GIGYF2: variants seen among roughly 807,000 people sequenced by gnomAD.
GIGYF2 encodes GRB10 interacting GYF protein 2.
A neutral mutation model predicts 208.1 loss-of-function variants in GIGYF2; 25 were observed. The ratio of observed to expected loss-of-function variants is 0.12; its 90% CI spans 0.09 to 0.17. The LOEUF (loss-of-function observed/expected upper bound fraction) is 0.17, where lower values mean the gene tolerates loss of function less well. Among genes scored for constraint, GIGYF2 ranks in the 10% least tolerant of loss-of-function variants. The pLI is 1.00. For missense variants in GIGYF2, 1,302 were observed against 1,579.4 expected (o/e 0.82, Z 2.98); for synonymous variants, 534 against 543.8 (o/e 0.98, Z 0.25).
At chr2:232,729,463 GTT>G (rs368864008) in intron 2 of GIGYF2, 12 of 741,336 alleles carry the variant, frequency 1.6e-5, no homozygotes, top group Admixed American at 7.6e-5. Context: ...TTATTTTTAG[GTT>G]TTTTTTTTTA....
intron 8 of GIGYF2, among the ~76,000 whole-genome samples, chr2:232,773,493 C>T (rs368820716): frequency 1.6e-4 from 24 of 151,876 alleles, no homozygotes; most frequent in African/African-American, 1.9e-4. Context: ...ATACAGGAAG[C>T]GTTTGGTGAA....
intron 20 of GIGYF2, among the ~76,000 whole-genome samples, chr2:232,818,749 G>A (rs1185569804): frequency 6.6e-6 from 1 of 151,646 alleles, no homozygotes; most frequent in African/African-American, 2.4e-5. Context: ...ATCTTTCCAT[G>A]TCAAATGTGT....
At chr2:232,820,630 T>C (rs1439725196) in intron 21 of GIGYF2, among the ~76,000 whole-genome samples, 2 of 152,076 alleles carry the variant, frequency 1.3e-5, no homozygotes, top group East Asian at 3.9e-4. Flanking sequence ...CAGCAATAAT[T>C]TCTAACGTAA....
At chr2:232,703,653 A>G (rs1001177263) in intron 2 of GIGYF2, among the ~76,000 whole-genome samples, 164 bp downstream of exon 2, 1 of 152,212 alleles carries the variant, frequency 6.6e-6, no homozygotes, top group Admixed American at 6.5e-5. Flanking sequence ...CAGTAAGAGT[A>G]ACATACCCTT....
intron 20 of GIGYF2, among the ~76,000 whole-genome samples, chr2:232,819,486 G>T (rs1701012856): frequency 6.6e-6 from 1 of 151,940 alleles, no homozygotes; most frequent in Non-Finnish European, 1.5e-5. Context: ...AAAAAAATAG[G>T]GATTAAAGAT....
chr2:232,747,068 T>C (rs757339300), intron 3 of GIGYF2, among the ~76,000 whole-genome samples: 10 of 152,194 alleles, frequency 6.6e-5, no homozygotes, highest in Non-Finnish European at 1.2e-4. Context: ...TGTGTTTTGA[T>C]TTTTCTTTTG....
chr2:232,824,945 A>G (rs1244155997), intron 21 of GIGYF2, among the ~76,000 whole-genome samples: 1 of 152,114 alleles, frequency 6.6e-6, no homozygotes, highest in Non-Finnish European at 1.5e-5. Flanking sequence ...TACTAAATCT[A>G]CTCTGCCTGT....
At chr2:232,728,297 G>A (rs543588687) in intron 2 of GIGYF2, among the ~76,000 whole-genome samples, 1 of 152,146 alleles carries the variant, frequency 6.6e-6, no homozygotes, top group Non-Finnish European at 1.5e-5. Context: ...AGGTTCGATT[G>A]GACTTTTTTA....
intron 26 of GIGYF2, among the ~76,000 whole-genome samples, chr2:232,846,868 T>C (rs1702022708): frequency 1.3e-5 from 2 of 152,234 alleles, no homozygotes; most frequent in African/African-American, 4.8e-5. Flanking sequence ...AAACCCATGT[T>C]TGTCTAACTC....
At chr2:232,733,535 A>T (rs1382669554) in intron 2 of GIGYF2, among the ~76,000 whole-genome samples, 3 of 152,238 alleles carry the variant, frequency 2.0e-5, no homozygotes, top group African/African-American at 7.2e-5. Flanking sequence ...TCATTTAAAC[A>T]GAGGCAACAG....
At chr2:232,787,592 G>C (rs188313476) in intron 9 of GIGYF2, among the ~76,000 whole-genome samples, 1 of 152,164 alleles carries the variant, frequency 6.6e-6, no homozygotes, top group East Asian at 1.9e-4. Context: ...CTGCAGAAAT[G>C]AGGGTTTCAT....
intron 2 of GIGYF2, among the ~76,000 whole-genome samples, chr2:232,714,187 G>A (rs1001602842): frequency 1.3e-5 from 2 of 152,028 alleles, no homozygotes; most frequent in Non-Finnish European, 2.9e-5. Flanking sequence ...TCCTGACCTC[G>A]TGATCCGCCC....
At chr2:232,849,199 C>CT (rs1358511624) in intron 27 of GIGYF2, among the ~76,000 whole-genome samples, 4 of 152,130 alleles carry the variant, frequency 2.6e-5, no homozygotes. Flanking sequence ...AAGTGTCACT[C>CT]TGTTGCCCAA....
At chr2:232,822,962 C>T (rs1027497232) in intron 21 of GIGYF2, among the ~76,000 whole-genome samples, 1 of 151,988 alleles carries the variant, frequency 6.6e-6, no homozygotes, top group East Asian at 1.9e-4. Flanking sequence ...CGGTATTTCA[C>T]CATTAAATAT....
In GIGYF2 at chr2:232,790,769, A is replaced by G. The variant is rs1415213876; in HGVS notation, c.784A>G (p.Arg262Gly). 6.2e-7 allele frequency: 1 copy of G among 1,614,050 alleles called. No individual in the cohort carries two copies. The highest frequency in any genetic ancestry group is 1.7e-5 in the Admixed American group (1 of 60,024). ...GAGGTTTGAGTTTGATTTTCGAGAT[A>G]GAGATGATGAACGGGGTTACCGAAG... ...RRRFEFDFRD[R>G]DDERGYRRVR... Residue 262 changes from arginine (R) to glycine (G), a missense_variant, in exon 10 of 29, where the codon AGA (arginine) becomes GGA (glycine). This residue lies in a region of GIGYF2 where 50 missense variants were observed against 42.3 expected (regional missense o/e 1.18). Transcript: ENST00000373563.
chr2:232,832,077 CAG>C (rs1317014046), intron 21 of GIGYF2, among the ~76,000 whole-genome samples: 2 of 152,176 alleles, frequency 1.3e-5, no homozygotes, highest in Non-Finnish European at 2.9e-5. Context: ...TAGATAAGGA[CAG>C]GGTATAGTTG....
At chr2:232,755,070 A>G (rs1444957227) in intron 5 of GIGYF2, among the ~76,000 whole-genome samples, 1 of 152,218 alleles carries the variant, frequency 6.6e-6, no homozygotes, top group Non-Finnish European at 1.5e-5. Context: ...GGTGGTATAG[A>G]CATCATATTT....
intron 9 of GIGYF2, 100 bp downstream of exon 9, chr2:232,787,429 T>A: frequency 2.0e-6 from 2 of 981,150 alleles, no homozygotes; most frequent in Non-Finnish European, 3.2e-6. Context: ...TTAAAAAATG[T>A]GGGGGTGGAT....
chr2:232,797,800 G>A (rs150851141), intron 14 of GIGYF2, among the ~76,000 whole-genome samples: 20 of 152,080 alleles, frequency 1.3e-4, no homozygotes, highest in African/African-American at 4.8e-4. Context: ...GGCCAACATG[G>A]TGAAACCCCA....
Sources: allele counts gnomAD v4.1 joint callset (sites outside exome capture counted in the v4.1 genomes callset), GRCh38; gene constraint gnomAD v4.1.1; regional missense constraint gnomAD v4.1.1; transcripts MANE v1.5; gene names NCBI Gene and HGNC (gene_info 2026-07-23, HGNC 2026-07-21).